Variants in WDFY3 observed in about 807,000 individuals in gnomAD.
WDFY3 encodes WD repeat and FYVE domain-containing protein 3.
Under a neutral mutation model 409.6 loss-of-function variants are expected in WDFY3, and 66 were observed. That is an observed-to-expected ratio of 0.16 (90% CI 0.13 to 0.20). WDFY3 has a LOEUF of 0.20. Among genes scored for constraint, WDFY3 ranks in the 10% least tolerant of loss-of-function variants. WDFY3 has a pLI of 1.00. For missense variants in WDFY3, 3,031 were observed against 4,298.1 expected, an observed-to-expected ratio of 0.71 and a Z score of 8.24; for synonymous variants, 1,521 against 1,537.1, an observed-to-expected ratio of 0.99 and a Z score of 0.25.
chr4:84,689,897 T>C (rs1728972156), intron 61 of WDFY3, among the ~76,000 whole-genome samples: 1 of 152,228 alleles, frequency 6.6e-6, no homozygotes, highest in African/African-American at 2.4e-5. Flanking sequence ...CTTAGATATA[T>C]GCTCCTTATT....
intron 13 of WDFY3, among the ~76,000 whole-genome samples, chr4:84,812,883 T>C (rs1422665406): frequency 6.6e-6 from 1 of 152,132 alleles, no homozygotes; most frequent in African/African-American, 2.4e-5. Context: ...ACTTCCCACT[T>C]ACATCAATAA....
At chr4:84,811,144 C>T (rs965063408) in intron 13 of WDFY3, among the ~76,000 whole-genome samples, 1 of 151,982 alleles carries the variant, frequency 6.6e-6, no homozygotes, top group Non-Finnish European at 1.5e-5. Context: ...ATTACAGGCA[C>T]GCACCACTAT....
At chr4:84,879,186 A>G (rs1292363679) in intron 3 of WDFY3, among the ~76,000 whole-genome samples, 2 of 152,126 alleles carry the variant, frequency 1.3e-5, no homozygotes, top group Non-Finnish European at 2.9e-5. Context: ...CTCATACCAC[A>G]TCACCTATCT....
At chr4:84,870,981 A>T (rs1006266621) in intron 3 of WDFY3, among the ~76,000 whole-genome samples, 3 of 152,144 alleles carry the variant, frequency 2.0e-5, no homozygotes, top group African/African-American at 7.2e-5. Context: ...TGCTGAGGAA[A>T]GAGTCAGTGA....
chr4:84,724,349 G>A, intron 46 of WDFY3, 77 bp downstream of exon 46: 1 of 1,510,056 alleles, frequency 6.6e-7, no homozygotes, highest in Non-Finnish European at 8.9e-7. Context: ...ATTTATAGTT[G>A]CTCAAATTTT....
In WDFY3 at chr4:84,736,151, A is replaced by G. The variant is rs761406996; in HGVS notation, c.6915+19T>C. ...ACAAAATACTACAACTAATATCAGCAATGAAACTAAAAAAGTACCTGGGTG... is the reference window on the plus strand; with the variant it reads ...ACAAAATACTACAACTAATATCAGCGATGAAACTAAAAAAGTACCTGGGTG... On this transcript the variant is annotated intron_variant, in intron 42 of 67. Transcript: ENST00000295888. 1.9e-6 allele frequency: 3 copies of G among 1,601,404 alleles called. No individual in the cohort carries two copies. Among genetic ancestry groups the G allele is most frequent in the Non-Finnish European group, 1.7e-6 (2 of 1,175,392 alleles).
chr4:84,904,369 G>A (rs574053406), intron 2 of WDFY3, among the ~76,000 whole-genome samples: 1 of 151,870 alleles, frequency 6.6e-6, no homozygotes, highest in East Asian at 1.9e-4. Context: ...GCGAAACAGA[G>A]CAAGACTCCA....
At chr4:84,765,228 A>C (rs1016795799) in intron 32 of WDFY3, among the ~76,000 whole-genome samples, 1 of 152,216 alleles carries the variant, frequency 6.6e-6, no homozygotes, top group African/African-American at 2.4e-5. Flanking sequence ...TAAATCTAGC[A>C]TAGTAAACTG....
At position 84,682,391 on chromosome 4, in the gene WDFY3, C is replaced by T. The variant is rs780379413; in HGVS notation, c.9806G>A (p.Cys3269Tyr). 5.0e-6 allele frequency: 8 copies of T among 1,613,740 alleles called. No individual in the cohort carries two copies. The highest frequency in any genetic ancestry group is 3.4e-4 in the Middle Eastern group (2 of 5,942). ...PAEVLEMQED[C>Y]PEAQIGQEAQ... is the part of the protein sequence containing the mutation. ...TTAAATACCTATTTGTGCTTCTGGA[C>T]AGTCTTCCTGCATTTCTAGGACTTC... The change falls in exon 64 of 68, where the codon TGT (cysteine) becomes TAT (tyrosine). Residue 3269 changes from cysteine (C) to tyrosine (Y), a missense_variant. Cys to Tyr is a radical substitution (Grantham distance 194). Around this residue, in one of 16 missense-constraint regions of WDFY3, gnomAD observed 378 missense variants for 477.3 expected, o/e 0.79. Transcript: ENST00000295888.
chr4:84,893,834 A>G (rs943092658), intron 3 of WDFY3, among the ~76,000 whole-genome samples: 1 of 152,020 alleles, frequency 6.6e-6, no homozygotes, highest in Non-Finnish European at 1.5e-5. Context: ...ATAATACAAG[A>G]AAAAAATTAG....
At chr4:84,863,322 C>T (rs1477040414) in intron 3 of WDFY3, among the ~76,000 whole-genome samples, 1 of 152,130 alleles carries the variant, frequency 6.6e-6, no homozygotes, top group Non-Finnish European at 1.5e-5. Flanking sequence ...GGTGGCTATA[C>T]CAATTGATAT....
At chr4:84,856,927 G>A (rs1759835901) in intron 4 of WDFY3, among the ~76,000 whole-genome samples, 1 of 152,046 alleles carries the variant, frequency 6.6e-6, no homozygotes, top group African/African-American at 2.4e-5. Context: ...ACGGCCAAAT[G>A]TTAAATAGAT....
At chr4:84,744,863 AAAAAAAAAAAAAAAAAAGTAAG>A (rs1739126787) in intron 36 of WDFY3, among the ~76,000 whole-genome samples, 1 of 145,456 alleles carries the variant, frequency 6.9e-6, no homozygotes. Context: ...AAAAAAAAAA[AAAAAAAAAAAAAAAAAAGTAAG>A]AAGGAAAGAA....
chr4:84,700,954 T>C (rs1444867926), intron 56 of WDFY3, among the ~76,000 whole-genome samples: 1 of 152,056 alleles, frequency 6.6e-6, no homozygotes, highest in East Asian at 1.9e-4. Context: ...TACTAAAAAT[T>C]TGAAAAAGAA....
At chr4:84,872,763 T>C (rs537689059) in intron 3 of WDFY3, among the ~76,000 whole-genome samples, 1 of 152,178 alleles carries the variant, frequency 6.6e-6, no homozygotes, top group African/African-American at 2.4e-5. Context: ...AATAATCAGA[T>C]AGGTTAAAGG....
intron 49 of WDFY3, 29 bp from the exon 50 acceptor site, chr4:84,715,412 G>A: frequency 1.7e-6 from 2 of 1,193,764 alleles, no homozygotes; most frequent in Admixed American, 2.0e-5. Context: ...AAAACATTAA[G>A]AAAAAACAGA....
At chr4:84,808,015 TCCA>T (rs1211465352) in intron 15 of WDFY3, among the ~76,000 whole-genome samples, 1 of 151,596 alleles carries the variant, frequency 6.6e-6, no homozygotes, top group African/African-American at 2.4e-5. Context: ...AGACATTAAG[TCCA>T]CATTTCTAAC....
At chr4:84,883,309 A>G (rs1465097771) in intron 3 of WDFY3, among the ~76,000 whole-genome samples, 1 of 152,184 alleles carries the variant, frequency 6.6e-6, no homozygotes, top group Non-Finnish European at 1.5e-5. Context: ...TTTTTAATAT[A>G]TTAGGTAAAT....
chr4:84,859,500 A>C (rs72664934), intron 4 of WDFY3, among the ~76,000 whole-genome samples: 67,713 of 152,012 alleles, frequency 0.45, 15,455 homozygotes, highest in African/African-American at 0.53. Context: ...AGCAGGAGGG[A>C]ACCTATAAGC....
Sources: gnomAD v4.1 joint callset for allele counts (sites outside exome capture counted in the v4.1 genomes callset) on GRCh38, gnomAD v4.1.1 for gene constraint, gnomAD v4.1.1 regional missense constraint, MANE v1.5 for transcripts, NCBI Gene and HGNC (gene_info 2026-07-23, HGNC 2026-07-21) for gene names.